The following NPM3 variants were observed in gnomAD, a reference collection of about 807,000 sequenced individuals.
NPM3 encodes nucleophosmin/nucleoplasmin 3.
Under a neutral mutation model 18.1 loss-of-function variants are expected in NPM3, and 12 were observed. The ratio of observed to expected loss-of-function variants is 0.66; its 90% confidence interval spans 0.42 to 1.07. The LOEUF is 1.07. Ranked by LOEUF, NPM3 falls within the 50% of genes least tolerant of loss-of-function variation. The pLI, the probability that NPM3 is intolerant of heterozygous loss-of-function variation, is 0.00. For synonymous variants in NPM3, 116 were observed against 93.7 expected, an observed-to-expected ratio of 1.24 and a Z score of -1.38; for missense variants, 274 against 232.1, an observed-to-expected ratio of 1.18 and a Z score of -1.17.
At chr10:101,781,687 C>T in intron 5 of NPM3, 40 bp downstream of exon 5, 1 of 1,604,132 alleles carries the variant, frequency 6.2e-7, no homozygotes, top group Non-Finnish European at 8.5e-7. Context: ...TTCTCCTGCC[C>T]CTTCCCAGAG....
chr10:101,783,125 TGGCTGTGCGTGCGA>T (rs2065156037), intron 1 of NPM3, 134 bp downstream of exon 1: 2 of 800,972 alleles, frequency 2.5e-6, no homozygotes, highest in South Asian at 1.7e-5. Context: ...CCACCCCCTT[TGGCTGTGCGTGCGA>T]GGCCCCCTCT....
chr10:101,782,779 T>A, intron 2 of NPM3, 60 bp downstream of exon 2: 9 of 1,590,770 alleles, frequency 5.7e-6, no homozygotes, highest in Non-Finnish European at 7.7e-6. Flanking sequence ...GGAGGTTGGG[T>A]AGAGACCTAT....
Position 101,782,346 on chromosome 10 carries a change from A to G in NPM3, c.330T>C (p.Ser110=), listed in dbSNP as rs555727936. Residue 110 remains serine (S), a synonymous_variant, in exon 4 of 6, where the codon AGT becomes AGC. Transcript: ENST00000370110. ...GTGGTTGGAGCTGGAAGTCATCCAGACTGAGCTGGGAGGAAGACAAGGATG... is the reference window on the plus strand; with the variant it reads ...GTGGTTGGAGCTGGAAGTCATCCAGGCTGAGCTGGGAGGAAGACAAGGATG... 1.5e-4 allele frequency: 246 copies of G among 1,613,766 alleles called. 2 individuals are homozygous for G. The South Asian group carries it at 2.3e-3, about 15-fold the overall frequency.
Position 101,782,759 on chromosome 10 carries a change from A to T in NPM3, c.204+80T>A, listed in dbSNP as rs540494311. 7 of 1,576,930 alleles carry T rather than the reference A, an allele frequency of 4.4e-6. No homozygotes were observed. The South Asian group carries it at 7.9e-5, about 18-fold the overall frequency. On this transcript the variant is annotated intron_variant, in intron 2 of 5. Coordinates refer to ENST00000370110, the Ensembl canonical transcript of NPM3. Reference sequence around the variant, plus strand: ...TAGGCTGAGGATGTGTCTCCAAGTAAAGGGGATCCGGAGGTTGGGTAGAGA... The same window carrying T: ...TAGGCTGAGGATGTGTCTCCAAGTATAGGGGATCCGGAGGTTGGGTAGAGA...
At chr10:101,783,140 G>C in intron 1 of NPM3, 133 bp downstream of exon 1, 3 of 844,852 alleles carry the variant, frequency 3.6e-6, no homozygotes, top group Admixed American at 2.3e-5. Context: ...GTGCGTGCGA[G>C]GCCCCCTCTC....
Position 101,782,367 on chromosome 10 carries a change from G to A in NPM3, c.325-16C>T, listed in dbSNP as rs2065148272. On this transcript the variant is annotated splice_polypyrimidine_tract_variant and intron_variant, in intron 3 of 5. Coordinates refer to ENST00000370110, the Ensembl canonical transcript of NPM3. ...CCAGACTGAGCTGGGAGGAAGACAA[G>A]GATGAAGGCCTGGCCCACTCCTAGC... is the stretch of plus-strand genomic sequence containing the variant. 6.2e-7 allele frequency: 1 copy of A among 1,612,738 alleles called. No individual in the cohort carries two copies. The highest frequency in any genetic ancestry group is 1.7e-5 in the Admixed American group (1 of 59,808).
rs1159144500 is a variant in NPM3, at chr10:101,781,813, C to A, written c.460G>T (p.Glu154Ter). ...TCTTCCTCATCACTGTCCTCTTCCT[C>A]TTCCTCGCTCTCCTCCTCAGAAACA... The change falls in exon 5 of 6, where the codon GAG (glutamate) becomes TAG (stop). Residue 154 changes from glutamate (E) to a stop codon, truncating the protein, a stop_gained. Coordinates refer to ENST00000370110, the Ensembl canonical transcript of NPM3. LOFTEE classifies it high-confidence loss of function. 3.1e-6 allele frequency: 5 copies of A among 1,614,202 alleles called. No homozygotes were observed. The East Asian group carries it at 6.7e-5, about 22-fold the overall frequency.
exon 1 of NPM3, chr10:101,783,409 A>G: frequency 6.5e-7 from 1 of 1,546,786 alleles, no homozygotes; most frequent in Non-Finnish European, 8.8e-7. Context: ...AGCCTTCTTC[A>G]AACTCCGCCC....
chr10:101,783,107 G>A (rs989192082), intron 1 of NPM3, among the ~76,000 whole-genome samples, 166 bp downstream of exon 1: 2 of 151,890 alleles, frequency 1.3e-5, no homozygotes, highest in Admixed American at 6.5e-5. Flanking sequence ...TCTGGGGCAG[G>A]GATCTCGCCA....
chr10:101,782,450 A>T, intron 3 of NPM3, 28 bp downstream of exon 3: 1 of 1,604,798 alleles, frequency 6.2e-7, no homozygotes, highest in Non-Finnish European at 8.5e-7. Flanking sequence ...CACCACCACC[A>T]CCACCAAGGC....
Position 101,782,941 on chromosome 10 carries a change from T to C in NPM3, c.119-17A>G. ...GCTCACAGCCTGGTAGAAATAACAG[T>C]GAGTATGCCTGAGCGTGTGTACGGG... On this transcript the variant is annotated splice_polypyrimidine_tract_variant and intron_variant, in intron 1 of 5. Coordinates refer to ENST00000370110, the Ensembl canonical transcript of NPM3. The C allele has an allele frequency of 6.2e-7, 1 of 1,611,242 alleles. No homozygotes were observed. The highest frequency in any genetic ancestry group is 8.5e-7 in the Non-Finnish European group (1 of 1,178,054).
intron 1 of NPM3, 116 bp downstream of exon 1, chr10:101,783,157 G>T: frequency 2.2e-6 from 2 of 903,200 alleles, no homozygotes; most frequent in Non-Finnish European, 1.7e-6. Context: ...TCTCCTGCGG[G>T]AACAGCGAAG....
At chr10:101,782,695 C>T in intron 2 of NPM3, 98 bp from the exon 3 acceptor site, 1 of 1,592,738 alleles carries the variant, frequency 6.3e-7, no homozygotes, top group Non-Finnish European at 8.5e-7. Flanking sequence ...TCAGAGGTCC[C>T]GGTTCACCTG....
chr10:101,782,909 C>T (rs774043022), exon 2 of NPM3: 1 of 1,614,018 alleles, frequency 6.2e-7, no homozygotes, highest in South Asian at 1.1e-5. Context: ...GCGGGTGTGG[C>T]CGGAGAGCTC....
chr10:101,783,119 C>A (rs550183235), intron 1 of NPM3, among the ~76,000 whole-genome samples, 154 bp downstream of exon 1: 3 of 152,092 alleles, frequency 2.0e-5, no homozygotes, highest in Non-Finnish European at 4.4e-5. Flanking sequence ...ATCTCGCCAC[C>A]CCCTTTGGCT....
chr10:101,782,968 C>T (rs778085905), intron 1 of NPM3, 44 bp from the exon 2 acceptor site: 1 of 1,585,522 alleles, frequency 6.3e-7, no homozygotes, highest in East Asian at 2.2e-5. Context: ...GTGTACGGGG[C>T]TGGGCAGCGG....
At chr10:101,782,680 C>G (rs2065151192) in intron 2 of NPM3, 83 bp from the exon 3 acceptor site, 1 of 1,600,748 alleles carries the variant, frequency 6.2e-7, no homozygotes, top group Admixed American at 1.7e-5. Flanking sequence ...AGCACCTGCC[C>G]AGCCTCAGAG....
At position 101,783,260 on chromosome 10, in the gene NPM3, C is replaced by T; in HGVS notation, c.118+13G>A. 1.3e-6 allele frequency: 2 copies of T among 1,569,522 alleles called. No individual in the cohort carries two copies. The highest frequency in any genetic ancestry group is 1.7e-6 in the Non-Finnish European group (2 of 1,146,634). On this transcript the variant is annotated intron_variant, in intron 1 of 5. Transcript: ENST00000370110. The stretch of plus-strand genomic sequence containing the variant: ...GCCCCAGTACCACCCTCAGCCTCTC[C>T]CTTCACTAATACCGAAGAAAAAACT...
At chr10:101,781,591 AG>A (rs2065141113) in exon 6 of NPM3, 2 of 552,702 alleles carry the variant, frequency 3.6e-6, no homozygotes, top group Non-Finnish European at 5.6e-6. Flanking sequence ...GAAACTTGTC[AG>A]GGAACAGGGT....
Sources: allele counts gnomAD v4.1 joint callset (sites outside exome capture counted in the v4.1 genomes callset), GRCh38; gene constraint gnomAD v4.1.1; transcripts MANE v1.5; gene names NCBI Gene and HGNC (gene_info 2026-07-23, HGNC 2026-07-21).